AHI1: variants seen among roughly 807,000 people sequenced by gnomAD.
The protein encoded by AHI1 is Abelson helper integration site 1, also known as jouberin.
A neutral mutation model predicts 149.3 loss-of-function variants in AHI1; 123 were observed. The observed-to-expected ratio is 0.82, with a 90% CI of 0.71 to 0.96. AHI1 has a LOEUF of 0.96. Ranked by LOEUF, AHI1 falls within the 40% of genes least tolerant of loss-of-function variation. The pLI is 0.00. For missense variants in AHI1, 1,439 were observed against 1,422.7 expected, an observed-to-expected ratio of 1.01 and a Z score of -0.18; for synonymous variants, 475 against 459.8, an observed-to-expected ratio of 1.03 and a Z score of -0.42.
intron 23 of AHI1, among the ~76,000 whole-genome samples, chr6:135,382,005 G>T (rs564434717): frequency 3.9e-5 from 6 of 151,976 alleles, no homozygotes; most frequent in Non-Finnish European, 7.4e-5. Context: ...TGTTATTTCT[G>T]GTTCTTCTCA....
chr6:135,351,923 A>G (rs536573965), intron 24 of AHI1, among the ~76,000 whole-genome samples: 33 of 152,268 alleles, frequency 2.2e-4, no homozygotes, highest in African/African-American at 7.7e-4. Flanking sequence ...ATTATAATAC[A>G]TGACTTCCCA....
chr6:135,364,386 G>A (rs959929808), intron 23 of AHI1, among the ~76,000 whole-genome samples: 3 of 151,230 alleles, frequency 2.0e-5, no homozygotes, highest in Non-Finnish European at 4.4e-5. Flanking sequence ...CAGCCGGGCA[G>A]AGACGCTCCT....
rs1376903161 is a variant in AHI1, at chr6:135,432,882, ATATC to A, written c.2266+141_2266+144del. ...TTACAAACAGAAGTCCCTTAGTGTC[ATATC>A]TATCATATGACCTGCAAAATAAGCA... On this transcript the variant is annotated intron_variant, in intron 16 of 28. Transcript: ENST00000265602. 4.9e-6 allele frequency: 3 copies of A among 607,892 alleles called. No homozygotes were observed. The African/African-American group carries it at 5.6e-5, about 11-fold the overall frequency. 37.7% of individuals were successfully genotyped at this position (607,892 alleles called of 1,614,324 possible). A position where few individuals can be genotyped will look rare whatever the true frequency, so the allele number is the denominator to read the frequency against.
In AHI1 at chr6:135,453,344, A is replaced by G; in HGVS notation, c.1437T>C (p.Leu479=). Reference sequence around the variant, plus strand: ...TTAAAATGGATGAAAAACATACCTTAAGAAATGCCCAGGCAATTTTCCGAA... The same window carrying G: ...TTAAAATGGATGAAAAACATACCTTGAGAAATGCCCAGGCAATTTTCCGAA... ...CGFRKIAWAF[L]KLLGANGNAN... is the part of the protein sequence containing the mutation. The change falls in exon 11 of 29, where the codon CTT becomes CTC. Residue 479 remains leucine, a synonymous_variant. Coordinates refer to ENST00000265602, the MANE Select transcript of AHI1 (RefSeq NM_001134831.2). 6.4e-7 allele frequency: 1 copy of G among 1,556,784 alleles called. No individual in the cohort carries two copies. The highest frequency in any genetic ancestry group is 8.7e-7 in the Non-Finnish European group (1 of 1,148,664).
At chr6:135,354,496 CA>C in intron 24 of AHI1, among the ~76,000 whole-genome samples, 1 of 152,214 alleles carries the variant, frequency 6.6e-6, no homozygotes, top group African/African-American at 2.4e-5. Flanking sequence ...AACTATGTTC[CA>C]GGGGGAATAC....
chr6:135,397,227 C>T (rs1779349208), intron 22 of AHI1, among the ~76,000 whole-genome samples: 1 of 151,826 alleles, frequency 6.6e-6, no homozygotes, highest in Non-Finnish European at 1.5e-5. Flanking sequence ...ATTTTCAAAG[C>T]AAGCTCGTAC....
At chr6:135,333,310 T>G (rs1201239963) in intron 24 of AHI1, among the ~76,000 whole-genome samples, 5 of 152,170 alleles carry the variant, frequency 3.3e-5, no homozygotes, top group African/African-American at 1.2e-4. Context: ...AGAAGCACAT[T>G]ATTAAATATT....
intron 2 of AHI1, 73 bp downstream of exon 2, chr6:135,497,115 G>C (rs1157411792): frequency 6.6e-6 from 1 of 152,120 alleles, no homozygotes; most frequent in Non-Finnish European, 1.5e-5. Context: ...CTACATTTTT[G>C]TTCTATTTTT....
At chr6:135,453,585 C>T (rs986957456) in intron 10 of AHI1, 149 bp from the exon 11 acceptor site, 3 of 639,880 alleles carry the variant, frequency 4.7e-6, no homozygotes, top group Non-Finnish European at 8.0e-6. Context: ...TTTCATTCAC[C>T]TTAAAGTTAA....
At position 135,299,138 on chromosome 6, in the gene AHI1, C is replaced by T. The variant is rs182923450; in HGVS notation, c.3485+1362G>A. Among the ~76,000 whole-genome samples, 3 of 152,156 alleles carry T rather than the reference C, an allele frequency of 2.0e-5. No individual in the cohort carries two copies. In the East Asian group the frequency reaches 5.8e-4, roughly 29 times the overall value. ...AACTAAAAACATATCTGACTGATAA[C>T]AGTAAAACAAGAAACTATAAAACCT... On this transcript the variant is annotated intron_variant, in intron 27 of 28. Coordinates refer to ENST00000265602, the MANE Select transcript of AHI1 (RefSeq NM_001134831.2).
intron 24 of AHI1, among the ~76,000 whole-genome samples, chr6:135,348,941 A>T (rs972005785): frequency 6.6e-6 from 1 of 152,212 alleles, no homozygotes; most frequent in African/African-American, 2.4e-5. Flanking sequence ...AGATATAAGG[A>T]TGGTATGAGG....
intron 24 of AHI1, among the ~76,000 whole-genome samples, chr6:135,351,970 C>G (rs1006596520): frequency 1.3e-5 from 2 of 152,140 alleles, no homozygotes; most frequent in Non-Finnish European, 2.9e-5. Context: ...TGGGATCTCC[C>G]TTTTTAACTA....
At chr6:135,358,035 A>T in intron 24 of AHI1, 97 bp downstream of exon 24, 1 of 1,067,988 alleles carries the variant, frequency 9.4e-7, no homozygotes, top group Non-Finnish European at 1.4e-6. Flanking sequence ...TTTGGCAAAA[A>T]GGTTTTAAGA....
chr6:135,349,632 A>G (rs1791770752), intron 24 of AHI1, among the ~76,000 whole-genome samples: 1 of 152,244 alleles, frequency 6.6e-6, no homozygotes, highest in Non-Finnish European at 1.5e-5. Context: ...CTGCCACATT[A>G]TAACATAAGG....
At chr6:135,428,488 G>T in intron 19 of AHI1, 141 bp downstream of exon 19, 1 of 1,021,804 alleles carries the variant, frequency 9.8e-7, no homozygotes. Flanking sequence ...TCCTTTAAAG[G>T]CTTTCTAATC....
At chr6:135,336,165 T>TAC (rs1265439514) in intron 24 of AHI1, among the ~76,000 whole-genome samples, 8 of 145,412 alleles carry the variant, frequency 5.5e-5, no homozygotes, top group African/African-American at 2.0e-4. Flanking sequence ...AGACATACAC[T>TAC]ACATAATAAC....
intron 28 of AHI1, among the ~76,000 whole-genome samples, chr6:135,288,773 T>C (rs1781985791): frequency 6.6e-6 from 1 of 151,988 alleles, no homozygotes; most frequent in Admixed American, 6.6e-5. Context: ...ACTTGAATAC[T>C]TTCCTATAAG....
chr6:135,414,795 T>A (rs941736365), intron 20 of AHI1, among the ~76,000 whole-genome samples: 9 of 152,008 alleles, frequency 5.9e-5, no homozygotes, highest in Non-Finnish European at 1.3e-4. Flanking sequence ...TTTCTTTTTT[T>A]AAATTTTTTT....
chr6:135,300,779 C>A, intron 26 of AHI1: 1 of 1,108,128 alleles, frequency 9.0e-7, no homozygotes, highest in East Asian at 4.8e-5. Context: ...AGTTCAAACA[C>A]TCATTTATAA....
Sources: allele counts gnomAD v4.1 joint callset (sites outside exome capture counted in the v4.1 genomes callset), GRCh38; gene constraint gnomAD v4.1.1; transcripts MANE v1.5; gene names NCBI Gene and HGNC (gene_info 2026-07-23, HGNC 2026-07-21).